Variants in MRPS21 observed in about 807,000 individuals in gnomAD.
MRPS21 encodes small ribosomal subunit protein bS21m.
MRPS21 carries 8 observed loss-of-function variants against 9.9 expected under a neutral mutation model. The ratio of observed to expected loss-of-function variants is 0.81; its 90% CI spans 0.47 to 1.45. MRPS21 has a LOEUF of 1.45. Among genes scored for constraint, MRPS21 ranks in the 40% most tolerant of loss-of-function variants. The pLI is 0.00. For synonymous variants in MRPS21, 40 were observed against 40.3 expected (o/e 0.99, Z 0.03); for missense variants, 101 against 118.9 (o/e 0.85, Z 0.70).
chr1:150,300,342 CAA>C (rs143575603), intron 2 of MRPS21, among the ~76,000 whole-genome samples: 2 of 133,696 alleles, frequency 1.5e-5, no homozygotes, highest in Non-Finnish European at 3.3e-5. Context: ...GACCCTGTCT[CAA>C]AAAAAAAAAG....
intron 2 of MRPS21, among the ~76,000 whole-genome samples, chr1:150,295,272 A>C (rs1553856327): frequency 6.6e-6 from 1 of 152,156 alleles, no homozygotes; most frequent in African/African-American, 2.4e-5. Context: ...CTAGGATTAC[A>C]GGCGTAAGCC....
chr1:150,300,990 G>T (rs751431973), intron 2 of MRPS21, among the ~76,000 whole-genome samples: 24 of 151,754 alleles, frequency 1.6e-4, no homozygotes, highest in East Asian at 1.9e-4. Flanking sequence ...CTGAGGTCAG[G>T]AGTTCAAGAC....
At chr1:150,306,453 G>T (rs1358516902) in intron 2 of MRPS21, among the ~76,000 whole-genome samples, 4 of 151,150 alleles carry the variant, frequency 2.6e-5, no homozygotes, top group South Asian at 2.1e-4. Flanking sequence ...TTTAGTAGAG[G>T]TGGGGTTTCA....
At chr1:150,301,186 T>C (rs367578957) in intron 2 of MRPS21, 2 of 158,634 alleles carry the variant, frequency 1.3e-5, no homozygotes, top group Admixed American at 6.5e-5. Context: ...ATACAAAAAA[T>C]TAGCTGGGCG....
intron 2 of MRPS21, chr1:150,304,904 T>A (rs1343594429): frequency 1.4e-5 from 4 of 279,958 alleles, no homozygotes; most frequent in Non-Finnish European, 2.8e-5. Context: ...TAACAAAAAT[T>A]AGCTGGTGCT....
At chr1:150,306,849 C>T (rs1002892562) in intron 2 of MRPS21, among the ~76,000 whole-genome samples, 14 of 152,064 alleles carry the variant, frequency 9.2e-5, no homozygotes, top group African/African-American at 3.1e-4. Flanking sequence ...TGATTCTGTT[C>T]TTACTGAAAA....
chr1:150,302,007 G>A (rs1166768317), intron 2 of MRPS21, among the ~76,000 whole-genome samples: 1 of 152,174 alleles, frequency 6.6e-6, no homozygotes, highest in East Asian at 1.9e-4. Flanking sequence ...CACATTTTCT[G>A]ACTGATGCAC....
Position 150,295,970 on chromosome 1 carries a change from T to A in MRPS21, c.83+1521T>A, listed in dbSNP as rs1303679461. ...AGTAATACTTTTTTTTTTTTTTTTT[T>A]AAAACGGAGTCTTGCTCTGTTGCCA... On this transcript the variant is annotated intron_variant, in intron 2 of 2. Transcript: ENST00000614145. 2.6e-3 allele frequency among the ~76,000 whole-genome samples: 347 copies of A among 134,304 alleles called. 1 individual carries two copies. The highest frequency in any genetic ancestry group is 3.8e-3 in the Middle Eastern group (1 of 264). The allele number at this position is 134,304 out of a possible 152,430, so 88.1% of individuals were successfully genotyped here.
intron 2 of MRPS21, among the ~76,000 whole-genome samples, chr1:150,300,847 G>A (rs1261909291): frequency 6.6e-6 from 1 of 152,092 alleles, no homozygotes. Flanking sequence ...AATTTACATT[G>A]CTTAAAAAGA....
chr1:150,296,346 C>G (rs115206613), intron 2 of MRPS21, among the ~76,000 whole-genome samples: 2,390 of 152,294 alleles, frequency 0.016, 30 homozygotes, highest in Middle Eastern at 0.048. Flanking sequence ...GTATGACTCA[C>G]GCGTCATTTT....
intron 2 of MRPS21, among the ~76,000 whole-genome samples, chr1:150,299,289 G>A (rs894455308): frequency 6.6e-6 from 1 of 150,980 alleles, no homozygotes; most frequent in Non-Finnish European, 1.5e-5. Flanking sequence ...GAAAATATAA[G>A]GCCAGCTCTT....
At chr1:150,307,419 A>G (rs1451215029) in intron 2 of MRPS21, among the ~76,000 whole-genome samples, 7 of 131,448 alleles carry the variant, frequency 5.3e-5, no homozygotes, top group South Asian at 5.0e-4. Context: ...ATGCAGTGGT[A>G]GGATCTCAGC....
intron 2 of MRPS21, among the ~76,000 whole-genome samples, chr1:150,297,961 T>A (rs1560062680): frequency 6.6e-6 from 1 of 152,014 alleles, no homozygotes; most frequent in Non-Finnish European, 1.5e-5. Flanking sequence ...GAGACAGAGT[T>A]TCACTCTTAT....
chr1:150,299,381 C>T (rs1031469644), intron 2 of MRPS21, among the ~76,000 whole-genome samples: 10 of 151,928 alleles, frequency 6.6e-5, no homozygotes, highest in Admixed American at 3.3e-4. Context: ...AATCCTTGTC[C>T]AGCCACTATA....
Position 150,294,353 on chromosome 1 carries a change from T to A in MRPS21, c.-14T>A, listed in dbSNP as rs782744646. The stretch of plus-strand genomic sequence containing the variant: ...CCTTTAGGCTCTACAGAGTGAAGGT[T>A]TAAATCCAAGGTCATGGCAAAACAT... On this transcript the variant is annotated 5_prime_UTR_variant, in exon 2 of 3. Coordinates refer to ENST00000614145, the MANE Select transcript of MRPS21 (RefSeq NM_031901.6). 2 of 1,610,454 alleles carry A rather than the reference T, an allele frequency of 1.2e-6. No individual in the cohort carries two copies. The highest frequency in any genetic ancestry group is 1.7e-6 in the Non-Finnish European group (2 of 1,177,786).
chr1:150,294,474 T>G (rs782815673), intron 2 of MRPS21, 25 bp downstream of exon 2: 8 of 1,577,114 alleles, frequency 5.1e-6, no homozygotes, highest in Non-Finnish European at 7.0e-6. Context: ...ACCAGAATCA[T>G]GCCTAGACTC....
chr1:150,295,855 A>AT (rs1318778635), intron 2 of MRPS21, among the ~76,000 whole-genome samples: 6 of 152,174 alleles, frequency 3.9e-5, no homozygotes, highest in African/African-American at 1.4e-4. Context: ...GGAAAAATAC[A>AT]TAAATGGAAA....
chr1:150,297,714 C>T (rs1004785508), intron 2 of MRPS21, among the ~76,000 whole-genome samples: 11 of 151,912 alleles, frequency 7.2e-5, no homozygotes, highest in Non-Finnish European at 1.6e-4. Context: ...ATTCTATGTG[C>T]ATAACAATTA....
At chr1:150,294,997 T>A (rs1389619508) in intron 2 of MRPS21, among the ~76,000 whole-genome samples, 1 of 111,116 alleles carries the variant, frequency 9.0e-6, no homozygotes, top group Non-Finnish European at 2.0e-5. Context: ...TTAATTTTAA[T>A]TTTTTTTTTT....
Sources: gnomAD v4.1 joint callset for allele counts (sites outside exome capture counted in the v4.1 genomes callset) on GRCh38, gnomAD v4.1.1 for gene constraint, MANE v1.5 for transcripts, NCBI Gene and HGNC (gene_info 2026-07-23, HGNC 2026-07-21) for gene names.